The following TMEM26 variants were observed in gnomAD, a reference collection of about 807,000 sequenced individuals.
TMEM26 encodes transmembrane protein 26.
In TMEM26, 38 loss-of-function variants were observed where a neutral mutation model predicts 28.8. The observed-to-expected ratio is 1.32, with a 90% CI of 1.02 to 1.73. The LOEUF (loss-of-function observed/expected upper bound fraction) is 1.73. TMEM26 is among the 40% of genes most tolerant of loss of function. The pLI is 0.00. For missense variants in TMEM26, 518 were observed against 447.1 expected, an observed-to-expected ratio of 1.16 and a Z score of -1.43; for synonymous variants, 227 against 182.9, an observed-to-expected ratio of 1.24 and a Z score of -1.95.
intron 1 of TMEM26, among the ~76,000 whole-genome samples, chr10:61,449,998 C>A (rs567189747): frequency 6.6e-6 from 1 of 152,188 alleles, no homozygotes; most frequent in African/African-American, 2.4e-5. Flanking sequence ...TTAATGTCAG[C>A]AAAATAGCCT....
intron 4 of TMEM26, chr10:61,415,171 A>C: frequency 1.0e-6 from 1 of 985,150 alleles, no homozygotes; most frequent in African/African-American, 1.7e-5. Context: ...ATTAGAATAG[A>C]ATTGGATAGA....
Position 61,453,139 on chromosome 10 carries a change from C to G in TMEM26, c.-58G>C. 6.4e-7 allele frequency: 1 copy of G among 1,565,214 alleles called. No individual in the cohort carries two copies. ...CCTGCGCCCCCAGGACCCTGCCGGG[C>G]GTGCCCGGAGCCCACCGGTGAGCAG... is the stretch of plus-strand genomic sequence containing the variant. On this transcript the variant is annotated 5_prime_UTR_variant, in exon 1 of 6. Transcript: ENST00000399298.
chr10:61,448,561 G>T (rs1840223707), intron 1 of TMEM26, among the ~76,000 whole-genome samples: 1 of 151,674 alleles, frequency 6.6e-6, no homozygotes, highest in South Asian at 2.1e-4. Flanking sequence ...GCACATTTGA[G>T]CACTGTATCA....
chr10:61,429,813 T>C (rs772119916), intron 3 of TMEM26, among the ~76,000 whole-genome samples: 2 of 152,116 alleles, frequency 1.3e-5, no homozygotes, highest in Non-Finnish European at 2.9e-5. Flanking sequence ...ACCAATGTAT[T>C]CTGGATGACA....
At chr10:61,419,917 AC>A (rs772277781) in intron 4 of TMEM26, among the ~76,000 whole-genome samples, 28 of 152,168 alleles carry the variant, frequency 1.8e-4, no homozygotes, top group Non-Finnish European at 3.4e-4. Context: ...AATCTTTAAA[AC>A]ATCAAGAGAA....
In TMEM26 at chr10:61,408,595, T is replaced by C. The variant is rs530340096; in HGVS notation, c.*1727A>G. 1.3e-5 allele frequency: 2 copies of C among 152,382 alleles called. No homozygotes were observed. The highest frequency in any genetic ancestry group is 4.8e-5 in the African/African-American group (2 of 41,604). 9.4% of individuals were successfully genotyped at this position (152,382 alleles called of 1,614,324 possible). A position where few individuals can be genotyped will look rare whatever the true frequency, so the allele number is the denominator to read the frequency against. On this transcript the variant is annotated 3_prime_UTR_variant, in exon 6 of 6. Transcript: ENST00000399298. The stretch of plus-strand genomic sequence containing the variant: ...CTGAGGCATTTTTATAAATAGCAGT[T>C]ATTATTTTGCTTTCAACTGCTGAGC...
chr10:61,413,779 C>T, intron 4 of TMEM26: 2 of 1,146,606 alleles, frequency 1.7e-6, no homozygotes, highest in Non-Finnish European at 2.1e-6. Context: ...CCTCTTGGTC[C>T]CATATTGCTG....
At chr10:61,441,411 A>T (rs1840090953) in intron 1 of TMEM26, among the ~76,000 whole-genome samples, 1 of 152,198 alleles carries the variant, frequency 6.6e-6, no homozygotes, top group Non-Finnish European at 1.5e-5. Context: ...CTTTGCCATT[A>T]ATTACTATTT....
intron 4 of TMEM26, among the ~76,000 whole-genome samples, chr10:61,425,540 G>T (rs1486578104): frequency 6.6e-6 from 1 of 152,082 alleles, no homozygotes; most frequent in Non-Finnish European, 1.5e-5. Context: ...TTTATATTTA[G>T]ATATTTGATA....
intron 1 of TMEM26, among the ~76,000 whole-genome samples, chr10:61,450,869 A>G (rs1251031265): frequency 2.0e-5 from 3 of 152,196 alleles, no homozygotes; most frequent in Non-Finnish European, 2.9e-5. Flanking sequence ...TAGTTGATAC[A>G]ATAATATTTT....
At chr10:61,415,951 T>C (rs922569245) in intron 4 of TMEM26, 1 of 354,404 alleles carries the variant, frequency 2.8e-6, no homozygotes, top group East Asian at 7.8e-5. Context: ...AATGAAACAT[T>C]TCTTTTGACT....
intron 4 of TMEM26, chr10:61,414,832 T>A (rs148055671): frequency 1.4e-3 from 359 of 262,264 alleles, no homozygotes; most frequent in African/African-American, 7.9e-3. Context: ...ACCAAGCAGG[T>A]AATGTTATGT....
chr10:61,429,821 A>G (rs1031092860), intron 3 of TMEM26, among the ~76,000 whole-genome samples: 2 of 152,126 alleles, frequency 1.3e-5, no homozygotes, highest in South Asian at 4.1e-4. Flanking sequence ...ATTCTGGATG[A>G]CAACTTGCCC....
At chr10:61,423,386 A>C (rs1205335778) in intron 4 of TMEM26, among the ~76,000 whole-genome samples, 1 of 152,208 alleles carries the variant, frequency 6.6e-6, no homozygotes, top group Non-Finnish European at 1.5e-5. Context: ...ATCATTAGAA[A>C]ATAATACTAC....
intron 4 of TMEM26, among the ~76,000 whole-genome samples, chr10:61,424,432 T>G (rs1446807828): frequency 2.0e-5 from 3 of 152,152 alleles, no homozygotes; most frequent in Non-Finnish European, 2.9e-5. Flanking sequence ...GGATGAGATA[T>G]TTTGTGTTCA....
chr10:61,423,724 C>A (rs1839784889), intron 4 of TMEM26, among the ~76,000 whole-genome samples: 1 of 151,946 alleles, frequency 6.6e-6, no homozygotes, highest in Non-Finnish European at 1.5e-5. Flanking sequence ...AAGGGCAAGA[C>A]CCTGTCTCAA....
rs1429600185 is a variant in TMEM26, at chr10:61,407,584, G to A, written c.*2738C>T. 1 of 151,580 alleles carries A rather than the reference G, an allele frequency of 6.6e-6. No homozygotes were observed. Among genetic ancestry groups the A allele is most frequent in the East Asian group, 1.9e-4 (1 of 5,174 alleles). 9.4% of individuals were successfully genotyped at this position (151,580 alleles called of 1,614,324 possible). A position where few individuals can be genotyped will look rare whatever the true frequency, so the allele number is the denominator to read the frequency against. Reference sequence around the variant, plus strand: ...AAAGAAACCCACAAGATGATCATGAGGTGTGTTTCCGCACAGTATCATTGA... The same window carrying A: ...AAAGAAACCCACAAGATGATCATGAAGTGTGTTTCCGCACAGTATCATTGA... On this transcript the variant is annotated 3_prime_UTR_variant, in exon 6 of 6. Transcript: ENST00000399298.
chr10:61,410,213 T>C lies in TMEM26; in HGVS notation c.*109A>G. ...TTTGGTTTAAGATCACCTTTTTATG[T>C]TGTTCTTTTGAAAATTATTATACGC... On this transcript the variant is annotated 3_prime_UTR_variant, in exon 6 of 6. Transcript: ENST00000399298. 12 of 1,226,234 alleles carry C rather than the reference T, an allele frequency of 9.8e-6. No individual in the cohort carries two copies. The highest frequency in any genetic ancestry group is 2.8e-4 in the Middle Eastern group (1 of 3,572). The allele number at this position is 1,226,234 out of a possible 1,614,324, so 76.0% of individuals were successfully genotyped here.
At chr10:61,412,697 T>G (rs1466331278) in intron 5 of TMEM26, among the ~76,000 whole-genome samples, 1 of 152,174 alleles carries the variant, frequency 6.6e-6, no homozygotes, top group South Asian at 2.1e-4. Context: ...CTGTCCAATA[T>G]GGTAGCCATT....
Sources: gnomAD v4.1 joint callset for allele counts (sites outside exome capture counted in the v4.1 genomes callset) on GRCh38, gnomAD v4.1.1 for gene constraint, MANE v1.5 for transcripts, NCBI Gene and HGNC (gene_info 2026-07-23, HGNC 2026-07-21) for gene names.